The following MRC1 variants were observed in gnomAD, a reference collection of about 807,000 sequenced individuals.
MRC1 encodes the protein mannose receptor C-type 1.
MRC1 carries 62 observed loss-of-function variants against 102.9 expected under a neutral mutation model. The ratio of observed to expected loss-of-function variants is 0.60; its 90% CI spans 0.49 to 0.74. The LOEUF (loss-of-function observed/expected upper bound fraction) is 0.74, where lower values mean the gene tolerates loss of function less well. Among genes scored for constraint, MRC1 ranks in the 30% least tolerant of loss-of-function variants. The pLI, the probability that MRC1 is intolerant of heterozygous loss-of-function variation, is 0.00. For synonymous variants in MRC1, 457 were observed against 298.4 expected, an observed-to-expected ratio of 1.53 and a Z score of -5.48; for missense variants, 1,237 against 862.8, an observed-to-expected ratio of 1.43 and a Z score of -5.43.
Position 17,845,306 on chromosome 10 carries a change from C to T in MRC1, c.934C>T (p.Pro312Ser). 1 of 780,712 alleles carries T rather than the reference C, an allele frequency of 1.3e-6. No homozygotes were observed. Among genetic ancestry groups the T allele is most frequent in the South Asian group, 1.3e-5 (1 of 74,604 alleles). 48.4% of individuals were successfully genotyped at this position (780,712 alleles called of 1,614,324 possible). The part of the protein sequence containing the change: ...NWLPGSPSAE[P>S]GKSCVSLNPG... The stretch of plus-strand genomic sequence containing the variant: ...CCTCGAAGGAAGTCCATCAGCTGAA[C>T]CTGGAAAAAGCTGTGTGTCACTAAA... Residue 312 changes from proline (P) to serine (S), a missense_variant, in exon 6 of 30, where the codon CCT becomes TCT. Transcript: ENST00000569591.
In MRC1 at chr10:17,851,078, T is replaced by C. The variant is rs1838908807; in HGVS notation, c.1249+1314T>C. ...AGTGTGGCACTTATAGCCAGTAAAGTTTGCAAATGATTTAGCAGAAAACAG... is the reference window on the plus strand; with the variant it reads ...AGTGTGGCACTTATAGCCAGTAAAGCTTGCAAATGATTTAGCAGAAAACAG... On this transcript the variant is annotated intron_variant, in intron 7 of 29. Transcript: ENST00000569591. 2.6e-5 allele frequency among the ~76,000 whole-genome samples: 4 copies of C among 152,162 alleles called. No individual in the cohort carries two copies. In the South Asian group the frequency reaches 6.2e-4, roughly 24 times the overall value.
intron 4 of MRC1, among the ~76,000 whole-genome samples, chr10:17,837,651 C>G (rs1262825197): frequency 6.6e-6 from 1 of 151,184 alleles, no homozygotes; most frequent in Non-Finnish European, 1.5e-5. Context: ...TTTTTTGAGA[C>G]AAAGTCTCAC....
At chr10:17,811,823 G>A (rs996805264) in intron 1 of MRC1, among the ~76,000 whole-genome samples, 2 of 151,990 alleles carry the variant, frequency 1.3e-5, no homozygotes, top group Admixed American at 1.3e-4. Context: ...CTGGGCTCTG[G>A]TGATCCTCCC....
chr10:17,892,628 G>C (rs1833695371), intron 22 of MRC1, among the ~76,000 whole-genome samples: 1 of 152,236 alleles, frequency 6.6e-6, no homozygotes. Flanking sequence ...TTTTCTTTAA[G>C]TGTGCTCCTT....
Position 17,910,283 on chromosome 10 carries a change from C to T in MRC1, c.4189C>T (p.Leu1397Phe). 1.3e-6 allele frequency: 1 copy of T among 780,836 alleles called. No individual in the cohort carries two copies. Among genetic ancestry groups the T allele is most frequent in the Middle Eastern group, 2.3e-4 (1 of 4,436 alleles). 48.4% of individuals were successfully genotyped at this position (780,836 alleles called of 1,614,324 possible). A position where few individuals can be genotyped will look rare whatever the true frequency, so the allele number is the denominator to read the frequency against. The change falls in exon 30 of 30, where the codon CTC (leucine) becomes TTC (phenylalanine). Residue 1397 changes from leucine (L) to phenylalanine (F), a missense_variant. Leu to Phe is a conservative substitution (Grantham distance 22, BLOSUM62 0). Transcript: ENST00000569591. ...GGCCGGAGTAGTCATCATTGTGATC[C>T]TCCTGATTTTAACGGGTGCTGGCCT... ...NVAGVVIIVI[L>F]LILTGAGLAA... is the part of the protein sequence containing the mutation.
intron 2 of MRC1, among the ~76,000 whole-genome samples, chr10:17,825,572 C>A (rs1043918094): frequency 6.6e-6 from 1 of 152,058 alleles, no homozygotes; most frequent in African/African-American, 2.4e-5. Flanking sequence ...GAGACCTAAA[C>A]AAAATGTAAA....
Position 17,894,405 on chromosome 10 carries a change from T to TC in MRC1, c.3250+93_3250+94insC, listed in dbSNP as rs1220870275. 2,688 of 678,704 alleles carry TC rather than the reference T, an allele frequency of 4.0e-3. 2 individuals carry two copies. The highest frequency in any genetic ancestry group is 4.7e-3 in the Middle Eastern group (12 of 2,556). The allele number at this position is 678,704 out of a possible 1,614,324, so 42.0% of individuals were successfully genotyped here. A position where few individuals can be genotyped will look rare whatever the true frequency, so the allele number is the denominator to read the frequency against. ...TTCTTTCTTTCTTTCTTTTTTTTTT[T>TC]TTTTTTTTTTTTGAGGCAGAGTCTC... On this transcript the variant is annotated intron_variant, in intron 23 of 29. Transcript: ENST00000569591.
intron 6 of MRC1, 147 bp from the exon 7 acceptor site, chr10:17,849,432 T>C: frequency 1.7e-6 from 1 of 591,652 alleles, no homozygotes; most frequent in Non-Finnish European, 3.1e-6. Flanking sequence ...GGTGAATATG[T>C]ATGCTGCGAA....
At chr10:17,901,520 C>A (rs1469598981) in intron 25 of MRC1, among the ~76,000 whole-genome samples, 4 of 152,168 alleles carry the variant, frequency 2.6e-5, no homozygotes, top group African/African-American at 9.6e-5. Context: ...GAAACCCCTT[C>A]TCTACTAAAA....
intron 3 of MRC1, among the ~76,000 whole-genome samples, chr10:17,828,280 G>C (rs1473133990): frequency 6.6e-6 from 1 of 151,380 alleles, no homozygotes; most frequent in East Asian, 1.9e-4. Context: ...GTTTCACTGT[G>C]TTAGCCAGGA....
intron 13 of MRC1, 53 bp from the exon 14 acceptor site, chr10:17,870,795 T>G: frequency 1.2e-6 from 1 of 867,106 alleles, no homozygotes; most frequent in Non-Finnish European, 2.0e-6. Context: ...CATAAGTTAC[T>G]GAACTTGCTT....
chr10:17,885,802 A>G (rs964250852), intron 22 of MRC1, among the ~76,000 whole-genome samples: 15 of 151,558 alleles, frequency 9.9e-5, no homozygotes, highest in African/African-American at 3.4e-4. Context: ...TACTGCTTCT[A>G]AAGATCATAT....
At chr10:17,894,137 G>A (rs1692638837) in intron 22 of MRC1, 73 bp from the exon 23 acceptor site, 1 of 844,962 alleles carries the variant, frequency 1.2e-6, no homozygotes, top group Non-Finnish European at 2.1e-6. Flanking sequence ...AGATTTTTTT[G>A]CTTATTAATG....
Position 17,853,083 on chromosome 10 carries a change from G to A in MRC1, c.1366G>A (p.Glu456Lys). 1 of 780,830 alleles carries A rather than the reference G, an allele frequency of 1.3e-6. No homozygotes were observed. The highest frequency in any genetic ancestry group is 2.4e-6 in the Non-Finnish European group (1 of 417,952). The allele number at this position is 780,830 out of a possible 1,614,324, so 48.4% of individuals were successfully genotyped here. A position where few individuals can be genotyped will look rare whatever the true frequency, so the allele number is the denominator to read the frequency against. Residue 456 changes from glutamate (E) to lysine (K), a missense_variant, in exon 8 of 30, where the codon GAA (glutamate) becomes AAA (lysine). Transcript: ENST00000569591. ...TKWLRGEPSH[E>K]NNRQEDCVVM... ...ATGGCTTCGTGGAGAACCAAGCCATGAAAACAACAGACAGGAGGATTGTGT... is the reference window on the plus strand; with the variant it reads ...ATGGCTTCGTGGAGAACCAAGCCATAAAAACAACAGACAGGAGGATTGTGT...
In MRC1 at chr10:17,849,677, C is replaced by T. The variant is rs782069279; in HGVS notation, c.1162C>T (p.Leu388=). The T allele has an allele frequency of 1.3e-5, 10 of 780,892 alleles. No homozygotes were observed. Among genetic ancestry groups the T allele is most frequent in the South Asian group, 9.4e-5 (7 of 74,628 alleles). 48.4% of individuals were successfully genotyped at this position (780,892 alleles called of 1,614,324 possible). The part of the protein sequence containing the change: ...RDEKKIQRDA[L]TTCRKEGGDL... ...TGAGAAAAAAATCCAGAGGGATGCT[C>T]TGACCACCTGCAGGAAGGAAGGCGG... Residue 388 remains leucine (L), a synonymous_variant, in exon 7 of 30, where the codon CTG becomes TTG. Coordinates refer to ENST00000569591, the MANE Select transcript of MRC1 (RefSeq NM_002438.4).
At chr10:17,856,701 A>G (rs1385487950) in intron 9 of MRC1, among the ~76,000 whole-genome samples, 1 of 152,136 alleles carries the variant, frequency 6.6e-6, no homozygotes, top group East Asian at 1.9e-4. Flanking sequence ...GTAGAAGGTG[A>G]CAGTCTACTA....
At chr10:17,819,196 A>G (rs1227737324) in intron 1 of MRC1, among the ~76,000 whole-genome samples, 1 of 152,212 alleles carries the variant, frequency 6.6e-6, no homozygotes, top group Admixed American at 6.5e-5. Context: ...TGGGAAAAAC[A>G]GAAAGAGATC....
chr10:17,861,080 C>T (rs1016302991), intron 9 of MRC1, among the ~76,000 whole-genome samples: 3 of 152,268 alleles, frequency 2.0e-5, no homozygotes, highest in African/African-American at 7.2e-5. Flanking sequence ...GAGGCCAAGG[C>T]GGGTAGATCA....
intron 9 of MRC1, among the ~76,000 whole-genome samples, chr10:17,859,916 G>A (rs952136774): frequency 3.3e-5 from 5 of 152,128 alleles, no homozygotes; most frequent in African/African-American, 1.2e-4. Context: ...AGAACCCCAG[G>A]TAGATGACAA....
Sources: allele counts gnomAD v4.1 joint callset (sites outside exome capture counted in the v4.1 genomes callset), GRCh38; gene constraint gnomAD v4.1.1; transcripts MANE v1.5; gene names NCBI Gene and HGNC (gene_info 2026-07-23, HGNC 2026-07-21).